ATL2: variants seen among roughly 807,000 people sequenced by gnomAD.
ATL2 encodes atlastin GTPase 2.
ATL2 carries 31 observed loss-of-function variants against 73.9 expected under a neutral mutation model. The ratio of observed to expected loss-of-function variants is 0.42; its 90% CI spans 0.32 to 0.57. The LOEUF is 0.57. ATL2 is among the 20% of genes least tolerant of loss of function. The pLI is 0.14. For missense variants in ATL2, 738 were observed against 702.6 expected, an observed-to-expected ratio of 1.05 and a Z score of -0.57; for synonymous variants, 291 against 237.5, an observed-to-expected ratio of 1.23 and a Z score of -2.07.
intron 1 of ATL2, among the ~76,000 whole-genome samples, chr2:38,355,521 G>C (rs531288252): frequency 1.3e-4 from 20 of 152,208 alleles, no homozygotes; most frequent in African/African-American, 4.6e-4. Flanking sequence ...TTAATCATAA[G>C]AAAGCTAAAG....
At chr2:38,313,318 T>G (rs558711193) in intron 6 of ATL2, 75 bp from the exon 7 acceptor site, 14 of 1,031,138 alleles carry the variant, frequency 1.4e-5, no homozygotes, top group Middle Eastern at 2.9e-4. Flanking sequence ...CTCTTAACAA[T>G]TGAAGCCTCT....
chr2:38,305,194 C>A (rs1667384403), intron 9 of ATL2, among the ~76,000 whole-genome samples: 1 of 152,138 alleles, frequency 6.6e-6, no homozygotes, highest in Admixed American at 6.5e-5. Flanking sequence ...ATGCACCCAA[C>A]ACTGGAGCAC....
intron 1 of ATL2, among the ~76,000 whole-genome samples, chr2:38,353,414 A>G (rs1670473033): frequency 6.6e-6 from 1 of 152,216 alleles, no homozygotes; most frequent in Admixed American, 6.5e-5. Flanking sequence ...AAGTACAGAG[A>G]GAAAAAAGAA....
chr2:38,334,749 A>T (rs564273631), intron 2 of ATL2, among the ~76,000 whole-genome samples: 84 of 150,354 alleles, frequency 5.6e-4, no homozygotes, highest in African/African-American at 2.0e-3. Context: ...TGCTTCTCAC[A>T]TTGGCAAAAA....
chr2:38,359,852 G>A (rs1409378680), intron 1 of ATL2, among the ~76,000 whole-genome samples: 1 of 151,936 alleles, frequency 6.6e-6, no homozygotes, highest in Admixed American at 6.6e-5. Flanking sequence ...AGTTGGCCGG[G>A]CGCGGTGGCT....
intron 2 of ATL2, among the ~76,000 whole-genome samples, chr2:38,323,441 CCACCTCAG>C (rs1376202901): frequency 6.7e-6 from 1 of 149,050 alleles, no homozygotes; most frequent in Non-Finnish European, 1.5e-5. Context: ...AGCAATCCTC[CCACCTCAG>C]CACCTCAGCC....
At chr2:38,372,777 C>T (rs149246513) in intron 1 of ATL2, among the ~76,000 whole-genome samples, 1 of 152,302 alleles carries the variant, frequency 6.6e-6, no homozygotes, top group East Asian at 1.9e-4. Flanking sequence ...ATGGTAATAA[C>T]CACCTCCGAC....
At chr2:38,351,000 C>T (rs750851056) in intron 1 of ATL2, among the ~76,000 whole-genome samples, 28 of 152,108 alleles carry the variant, frequency 1.8e-4, no homozygotes, top group Non-Finnish European at 3.5e-4. Flanking sequence ...TAGATTACAT[C>T]AACCCAAAAC....
At chr2:38,357,484 T>C (rs1670738845) in intron 1 of ATL2, among the ~76,000 whole-genome samples, 1 of 151,008 alleles carries the variant, frequency 6.6e-6, no homozygotes. Context: ...TGAAACCTCA[T>C]CTCTACTAAA....
rs545366368 is a variant in ATL2, at chr2:38,361,564, A to C, written c.118+15579T>G. On this transcript the variant is annotated intron_variant, in intron 1 of 12. Coordinates refer to ENST00000378954, the MANE Select transcript of ATL2 (RefSeq NM_001135673.4). ...GTAAAAGAGAAAGGTTATTGGGTGA[A>C]CCATTCAACTGCACAGTAACATTTT... Among the ~76,000 whole-genome samples, 210 of 152,280 alleles carry C rather than the reference A, an allele frequency of 1.4e-3. 1 individual carries two copies. Among genetic ancestry groups the C allele is most frequent in the Middle Eastern group, 3.4e-3 (1 of 294 alleles).
chr2:38,320,315 C>A (rs533052429), intron 2 of ATL2, among the ~76,000 whole-genome samples: 1 of 151,980 alleles, frequency 6.6e-6, no homozygotes, highest in African/African-American at 2.4e-5. Context: ...AAAAAGAGTC[C>A]TTATCTATTA....
intron 2 of ATL2, among the ~76,000 whole-genome samples, chr2:38,324,893 G>C (rs1668511612): frequency 1.3e-5 from 2 of 152,210 alleles, no homozygotes; most frequent in African/African-American, 4.8e-5. Context: ...GAGAAATGGG[G>C]AGTTAGTGTT....
intron 2 of ATL2, among the ~76,000 whole-genome samples, chr2:38,326,473 C>G (rs148310237): frequency 1.3e-5 from 2 of 152,270 alleles, no homozygotes; most frequent in African/African-American, 4.8e-5. Context: ...ACAACAGAAC[C>G]AGACTCAGAT....
chr2:38,327,217 G>GA (rs1267439250), intron 2 of ATL2, among the ~76,000 whole-genome samples: 1 of 152,010 alleles, frequency 6.6e-6, no homozygotes, highest in Non-Finnish European at 1.5e-5. Context: ...TACATAAAGA[G>GA]AAAGAGTATC....
rs1382413640 is a variant in ATL2 at position 38,298,149 on chromosome 2, C to T, written c.1627G>A (p.Glu543Lys). 3 of 1,610,678 alleles carry T rather than the reference C, an allele frequency of 1.9e-6. No individual in the cohort carries two copies. Among genetic ancestry groups the T allele is most frequent in the African/African-American group, 1.3e-5 (1 of 74,936 alleles). The change falls in exon 12 of 13, where the codon GAA becomes AAA. Residue 543 changes from glutamate to lysine, a missense_variant. Transcript: ENST00000378954. The part of the protein sequence containing the change: ...VIDQIAETLW[E>K]QVLKPLGDNL... ...ACCAAAAGATAGATACCAACCTGTTCCCATAGTGTTTCAGCAATCTGATCA... is the reference window on the plus strand; with the variant it reads ...ACCAAAAGATAGATACCAACCTGTTTCCATAGTGTTTCAGCAATCTGATCA...
chr2:38,325,674 AC>A (rs1573486636), intron 2 of ATL2, among the ~76,000 whole-genome samples: 1 of 74,846 alleles, frequency 1.3e-5, no homozygotes, highest in East Asian at 3.4e-4. Context: ...ACACACACAC[AC>A]ACACACACAC....
intron 1 of ATL2, among the ~76,000 whole-genome samples, chr2:38,371,737 A>C (rs1340470201): frequency 6.6e-6 from 1 of 152,002 alleles, no homozygotes; most frequent in Admixed American, 6.6e-5. Context: ...GTCTCTATTA[A>C]AAATACAAAA....
rs999231529 is a variant in ATL2, at chr2:38,350,097, A to G, written c.119-6585T>C. ...AGCATTTAGTGATTGCCTACAATTA[A>G]AAGTCTCTAAATTCCACACCACTCT... On this transcript the variant is annotated intron_variant, in intron 1 of 12. Coordinates refer to ENST00000378954, the MANE Select transcript of ATL2 (RefSeq NM_001135673.4). Among the ~76,000 whole-genome samples, 16 of 152,212 alleles carry G rather than the reference A, an allele frequency of 1.1e-4. 1 individual carries two copies. The highest frequency in any genetic ancestry group is 2.9e-5 in the Non-Finnish European group (2 of 68,044).
chr2:38,333,685 T>C (rs1357966887), intron 2 of ATL2, among the ~76,000 whole-genome samples: 2 of 152,182 alleles, frequency 1.3e-5, no homozygotes, highest in Non-Finnish European at 2.9e-5. Context: ...TTTATGATAC[T>C]GCAAAAGAGG....
Sources: allele counts gnomAD v4.1 joint callset (sites outside exome capture counted in the v4.1 genomes callset), GRCh38; gene constraint gnomAD v4.1.1; transcripts MANE v1.5; gene names NCBI Gene and HGNC (gene_info 2026-07-23, HGNC 2026-07-21).